WDR24: variants seen among roughly 807,000 people sequenced by gnomAD.
The protein encoded by WDR24 is WD repeat domain 24, also known as GATOR2 complex protein WDR24.
A neutral mutation model predicts 66.7 loss-of-function variants in WDR24; 32 were observed. That is an observed-to-expected ratio of 0.48 (90% CI 0.36 to 0.64). The LOEUF (loss-of-function observed/expected upper bound fraction) is 0.64, where lower values mean the gene tolerates loss of function less well. WDR24 is among the 30% of genes least tolerant of loss of function. The pLI, the probability that WDR24 is intolerant of heterozygous loss-of-function variation, is 0.00. For synonymous variants in WDR24, 565 were observed against 469.1 expected (o/e 1.20, Z -2.64); for missense variants, 978 against 1,144.1 (o/e 0.85, Z 2.09).
Position 685,181 on chromosome 16 carries a change from G to T in WDR24, c.2020-5C>A, listed in dbSNP as rs764293109. 1.3e-6 allele frequency: 2 copies of T among 1,590,112 alleles called. No homozygotes were observed. The highest frequency in any genetic ancestry group is 1.7e-5 in the Admixed American group (1 of 57,262). ...GTAGGAAGTGTACCAGTGCTCCTGGGGGAGGGAGCGCCCGGCAGTCAGGAT... is the reference window on the plus strand; with the variant it reads ...GTAGGAAGTGTACCAGTGCTCCTGGTGGAGGGAGCGCCCGGCAGTCAGGAT... On this transcript the variant is annotated splice_region_variant and splice_polypyrimidine_tract_variant and intron_variant, in intron 7 of 8. Coordinates refer to ENST00000293883, the MANE Select transcript of WDR24 (RefSeq NM_032259.4).
rs2039951578 is a variant in WDR24 at position 690,302 on chromosome 16, C to T, written c.-662G>A. The T allele has an allele frequency of 2.2e-6, 1 of 447,314 alleles. No homozygotes were observed. The highest frequency in any genetic ancestry group is 2.4e-5 in the Admixed American group (1 of 41,996). 27.7% of individuals were successfully genotyped at this position (447,314 alleles called of 1,614,324 possible). Reference sequence around the variant, plus strand: ...GCGCGGGGGAGCGGACGCTGCGGGACGAGAACCAGAGGGCCCGGGGCAGCC... The same window carrying T: ...GCGCGGGGGAGCGGACGCTGCGGGATGAGAACCAGAGGGCCCGGGGCAGCC... On this transcript the variant is annotated 5_prime_UTR_variant, in exon 1 of 9. Coordinates refer to ENST00000293883, the MANE Select transcript of WDR24 (RefSeq NM_032259.4).
At position 690,159 on chromosome 16, in the gene WDR24, G is replaced by A; in HGVS notation, c.-519C>T. On this transcript the variant is annotated 5_prime_UTR_variant, in exon 1 of 9. Transcript: ENST00000293883. ...GGGACTCAGGCGATAGACGCGGGAA[G>A]GGCCCAGAGGGACGTCAAGGACCGA... is the stretch of plus-strand genomic sequence containing the variant. 2 of 416,866 alleles carry A rather than the reference G, an allele frequency of 4.8e-6. No individual in the cohort carries two copies. Among genetic ancestry groups the A allele is most frequent in the South Asian group, 3.4e-5 (2 of 58,626 alleles). The allele number at this position is 416,866 out of a possible 1,614,324, so 25.8% of individuals were successfully genotyped here.
In WDR24 at chr16:689,569, G is replaced by A; in HGVS notation, c.72C>T (p.His24=). 6.2e-7 allele frequency: 1 copy of A among 1,613,036 alleles called. No individual in the cohort carries two copies. Among genetic ancestry groups the A allele is most frequent in the Non-Finnish European group, 8.5e-7 (1 of 1,180,042 alleles). ...TGATGGCATTGGCGGGAGCATCCAG[G>A]TGGCAGTGCATGGTGCGGCCTGTCA... The part of the protein sequence containing the change: ...SVLTGRTMHC[H]LDAPANAISV... The change falls in exon 1 of 9, where the codon CAC becomes CAT. Residue 24 remains histidine (H), a synonymous_variant. Coordinates refer to ENST00000293883, the MANE Select transcript of WDR24 (RefSeq NM_032259.4).
In WDR24 at chr16:684,977, AC is replaced by A; in HGVS notation, c.2204+14del. The stretch of plus-strand genomic sequence containing the variant: ...CTGCAGGCCCCTGCCCCACCTCCCG[AC>A]CCCACTGCCCCACCTGTCGCAGACC... On this transcript the variant is annotated intron_variant, in intron 8 of 8. Transcript: ENST00000293883. The A allele has an allele frequency of 6.5e-7, 1 of 1,540,160 alleles. No homozygotes were observed. Among genetic ancestry groups the A allele is most frequent in the South Asian group, 1.2e-5 (1 of 84,044 alleles).
rs1438466927 is a variant in WDR24, at chr16:684,865, G to A, written c.2242C>T (p.His748Tyr). 1.9e-6 allele frequency: 3 copies of A among 1,549,670 alleles called. No individual in the cohort carries two copies. The highest frequency in any genetic ancestry group is 1.2e-5 in the South Asian group (1 of 84,178). ...CACACGAAGAGACCCTTGACTACGTGGTGGCAGACGGCACACATGCTGGCG... is the reference window on the plus strand; with the variant it reads ...CACACGAAGAGACCCTTGACTACGTAGTGGCAGACGGCACACATGCTGGCG... The part of the protein sequence containing the change: ...RCASMCAVCH[H>Y]VVKGLFVWCQ... Residue 748 changes from histidine (H) to tyrosine (Y), a missense_variant, in exon 9 of 9, where the codon CAC becomes TAC. Physicochemically the swap from His to Tyr is moderately conservative, Grantham distance 83. Around this residue, in one of 2 missense-constraint regions of WDR24, gnomAD observed 676 missense variants for 617.5 expected, o/e 1.09. Transcript: ENST00000293883.
At chr16:685,644 C>T (rs369874352) in intron 6 of WDR24, 35 bp downstream of exon 6, 117 of 1,611,882 alleles carry the variant, frequency 7.3e-5, no homozygotes, top group Middle Eastern at 1.6e-4. Flanking sequence ...CCTCCATCCG[C>T]CTCTGAACCC....
Position 689,717 on chromosome 16 carries a change from G to T in WDR24, c.-77C>A. The T allele has an allele frequency of 1.9e-6, 3 of 1,550,808 alleles. No homozygotes were observed. The highest frequency in any genetic ancestry group is 1.7e-4 in the Middle Eastern group (1 of 5,726). Reference sequence around the variant, plus strand: ...CCTGGTCAGCCTGGGTGGGTCATCAGTTCAGACCTTCCACCCAGGTTGGGA... The same window carrying T: ...CCTGGTCAGCCTGGGTGGGTCATCATTTCAGACCTTCCACCCAGGTTGGGA... On this transcript the variant is annotated 5_prime_UTR_variant, in exon 1 of 9. In the 5' UTR this introduces an upstream ATG that the reference lacks. Transcript: ENST00000293883.
chr16:685,248 A>AC lies in WDR24; in HGVS notation c.2019+8dup. 6.3e-7 allele frequency: 1 copy of AC among 1,593,894 alleles called. No homozygotes were observed. The highest frequency in any genetic ancestry group is 8.5e-7 in the Non-Finnish European group (1 of 1,170,058). On this transcript the variant is annotated intron_variant, in intron 7 of 8. Coordinates refer to ENST00000293883, the MANE Select transcript of WDR24 (RefSeq NM_032259.4). ...GCGCTGCAGGGGGGAGGCCCCGCCC[A>AC]CCACACACCTGGGTCTGCTCGTCGA...
At position 685,892 on chromosome 16, in the gene WDR24, G is replaced by A; in HGVS notation, c.1550C>T (p.Ser517Leu). The A allele has an allele frequency of 4.3e-6, 7 of 1,612,992 alleles. No individual in the cohort carries two copies. Among genetic ancestry groups the A allele is most frequent in the Non-Finnish European group, 5.9e-6 (7 of 1,179,958 alleles). The change falls in exon 5 of 9, where the codon TCG becomes TTG. Residue 517 changes from serine to leucine, a missense_variant. By Grantham distance (145) the Ser-to-Leu change is moderately radical. Coordinates refer to ENST00000293883, the MANE Select transcript of WDR24 (RefSeq NM_032259.4). ...ARSDTVLLDS[S>L]ATLITNEDNE... ...ACCCTCATTGGTGATGAGTGTGGCC[G>A]AGGAGTCGAGCAGAACTGTGTCGCT... is the stretch of plus-strand genomic sequence containing the variant.
intron 7 of WDR24, 35 bp downstream of exon 7, chr16:685,222 G>A (rs922768944): frequency 4.1e-5 from 66 of 1,596,296 alleles, no homozygotes; most frequent in Non-Finnish European, 5.4e-5. Flanking sequence ...TGCCAGGGGC[G>A]GCGCTGCAGG....
chr16:685,644 C>A, intron 6 of WDR24, 35 bp downstream of exon 6: 1 of 1,611,880 alleles, frequency 6.2e-7, no homozygotes, highest in Non-Finnish European at 8.5e-7. Context: ...CCTCCATCCG[C>A]CTCTGAACCC....
In WDR24 at chr16:690,138, C is replaced by CTCA. The variant is rs1397965811; in HGVS notation, c.-501_-499dup. On this transcript the variant is annotated 5_prime_UTR_variant, in exon 1 of 9. It adds an upstream start codon to the 5' untranslated region. Transcript: ENST00000293883. Reference sequence around the variant, plus strand: ...ACAGAGGGCTAGAGGGGCCCGGGGACTCAGGCGATAGACGCGGGAAGGGCC... The same window carrying CTCA: ...ACAGAGGGCTAGAGGGGCCCGGGGACTCATCAGGCGATAGACGCGGGAAGGGCC... 2.3e-6 allele frequency: 1 copy of CTCA among 437,576 alleles called. No individual in the cohort carries two copies. Among genetic ancestry groups the CTCA allele is most frequent in the Non-Finnish European group, 4.6e-6 (1 of 217,586 alleles). The allele number at this position is 437,576 out of a possible 1,614,324, so 27.1% of individuals were successfully genotyped here. A position where few individuals can be genotyped will look rare whatever the true frequency, so the allele number is the denominator to read the frequency against.
rs1188332613 is a variant in WDR24, at chr16:689,445, G to A, written c.196C>T (p.Arg66Cys). Reference sequence around the variant, plus strand: ...TTAAGCGAAGGCTTGCGCCCCACACGCAGGTTCAGCTTTTCCACGAACTGT... The same window carrying A: ...TTAAGCGAAGGCTTGCGCCCCACACACAGGTTCAGCTTTTCCACGAACTGT... The part of the protein sequence containing the change: ...EEQFVEKLNL[R>C]VGRKPSLNLS... The change falls in exon 1 of 9, where the codon CGT (arginine) becomes TGT (cysteine). Residue 66 changes from arginine (R) to cysteine (C), a missense_variant. Transcript: ENST00000293883. 2 of 1,613,536 alleles carry A rather than the reference G, an allele frequency of 1.2e-6. No individual in the cohort carries two copies. The highest frequency in any genetic ancestry group is 1.7e-6 in the Non-Finnish European group (2 of 1,180,042).
chr16:684,928 C>T (rs910328343), intron 8 of WDR24, 26 bp from the exon 9 acceptor site: 9 of 1,535,672 alleles, frequency 5.9e-6, no homozygotes, highest in African/African-American at 5.5e-5. Flanking sequence ...AGGGAGGGTG[C>T]CTCAGCGGGG....
intron 1 of WDR24, chr16:688,007 G>T (rs1001429415): frequency 1.6e-6 from 1 of 619,006 alleles, no homozygotes; most frequent in African/African-American, 1.8e-5. Context: ...ATCGGTCCAT[G>T]AGCAAAGCTG....
Position 685,909 on chromosome 16 carries a change from T to C in WDR24, c.1533A>G (p.Thr511=), listed in dbSNP as rs1234183529. The C allele has an allele frequency of 3.1e-6, 5 of 1,612,860 alleles. No homozygotes were observed. The highest frequency in any genetic ancestry group is 2.2e-5 in the South Asian group (2 of 91,068). The change falls in exon 5 of 9, where the codon ACA becomes ACG. Residue 511 remains threonine, a synonymous_variant. Coordinates refer to ENST00000293883, the MANE Select transcript of WDR24 (RefSeq NM_032259.4). ...GTGTGGCCGAGGAGTCGAGCAGAAC[T>C]GTGTCGCTCCGTGCATCTCCTTTGC... ...DRSKGDARSD[T]VLLDSSATLI...
At position 685,341 on chromosome 16, in the gene WDR24, A is replaced by C; in HGVS notation, c.1935T>G (p.Ala645=). The change falls in exon 7 of 9, where the codon GCT becomes GCG. Residue 645 remains alanine, a synonymous_variant. Transcript: ENST00000293883. The part of the protein sequence containing the change: ...VLVRDMLHFY[A]EQGDVQMAVS... ...CAGCCATCTGCACGTCGCCCTGCTC[A>C]GCGTAGAAGTGCAGCATGTCGCGCA... The C allele has an allele frequency of 6.2e-7, 1 of 1,610,294 alleles. No individual in the cohort carries two copies. The highest frequency in any genetic ancestry group is 8.5e-7 in the Non-Finnish European group (1 of 1,179,674).
At chr16:686,610 C>A (rs1207300481) in intron 3 of WDR24, 134 bp downstream of exon 3, 28 of 1,210,190 alleles carry the variant, frequency 2.3e-5, no homozygotes, top group Non-Finnish European at 3.2e-5. Flanking sequence ...CCTCAGCTAC[C>A]AAGGCAAGGC....
In WDR24 at chr16:689,610, G is replaced by A. The variant is rs2039945003; in HGVS notation, c.31C>T (p.Leu11=). The A allele has an allele frequency of 6.2e-7, 1 of 1,612,668 alleles. No individual in the cohort carries two copies. The highest frequency in any genetic ancestry group is 8.5e-7 in the Non-Finnish European group (1 of 1,179,960). Residue 11 remains leucine, a synonymous_variant, in exon 1 of 9, where the codon CTG becomes TTG. Coordinates refer to ENST00000293883, the MANE Select transcript of WDR24 (RefSeq NM_032259.4). ...CGGCCTGTCAGCACGCTGCCACCCA[G>A]GGCTGTGGTCACACGGGACATCTTC... MEKMSRVTTA[L]GGSVLTGRTM...
Sources: allele counts gnomAD v4.1 joint callset, GRCh38; gene constraint gnomAD v4.1.1; regional missense constraint gnomAD v4.1.1; transcripts MANE v1.5; gene names NCBI Gene and HGNC (gene_info 2026-07-23, HGNC 2026-07-21).